TMEM132D: variants seen among roughly 807,000 people sequenced by gnomAD.
TMEM132D encodes transmembrane protein 132D, also known as mature OL transmembrane protein.
In TMEM132D, 21 loss-of-function variants were observed where a neutral mutation model predicts 62.3. The observed-to-expected ratio is 0.34, with a 90% confidence interval of 0.24 to 0.49. The LOEUF (loss-of-function observed/expected upper bound fraction) is 0.49, where lower values mean the gene tolerates loss of function less well. Among genes scored for constraint, TMEM132D ranks in the 20% least tolerant of loss-of-function variants. TMEM132D has a pLI of 0.99. For synonymous variants in TMEM132D, 621 were observed against 575.6 expected, an observed-to-expected ratio of 1.08 and a Z score of -1.13; for missense variants, 1,346 against 1,402.8, an observed-to-expected ratio of 0.96 and a Z score of 0.65.
intron 1 of TMEM132D, among the ~76,000 whole-genome samples, chr12:129,825,149 G>A (rs1872630112): frequency 6.6e-6 from 1 of 151,688 alleles, no homozygotes; most frequent in Non-Finnish European, 1.5e-5. Flanking sequence ...AAGTAGCTGG[G>A]ATTACAGGCA....
intron 5 of TMEM132D, among the ~76,000 whole-genome samples, chr12:129,112,196 A>T (rs1875724193): frequency 6.6e-6 from 1 of 152,184 alleles, no homozygotes; most frequent in Non-Finnish European, 1.5e-5. Context: ...AGTGACAAAG[A>T]TTGGGTATAT....
intron 1 of TMEM132D, among the ~76,000 whole-genome samples, chr12:129,731,819 C>G (rs543674454): frequency 6.6e-6 from 1 of 152,162 alleles, no homozygotes; most frequent in East Asian, 1.9e-4. Flanking sequence ...CCCGCCACCA[C>G]GCCCGGCTAA....
intron 2 of TMEM132D, among the ~76,000 whole-genome samples, chr12:129,544,640 A>G (rs1876680063): frequency 6.6e-6 from 1 of 152,208 alleles, no homozygotes. Flanking sequence ...TCCTAATACC[A>G]CATATTTCAG....
chr12:129,516,032 C>T (rs144059613), intron 3 of TMEM132D, among the ~76,000 whole-genome samples: 1,711 of 152,284 alleles, frequency 0.011, 15 homozygotes, highest in Non-Finnish European at 0.016. Flanking sequence ...ACAAGAACCA[C>T]GCAAGGTGCT....
chr12:129,900,095 G>A (rs1016078571), intron 1 of TMEM132D, among the ~76,000 whole-genome samples: 1 of 152,132 alleles, frequency 6.6e-6, no homozygotes. Flanking sequence ...TTATTTATAA[G>A]CTCAGGGACA....
chr12:129,147,304 A>ACATGTG (rs1459178962), intron 5 of TMEM132D, among the ~76,000 whole-genome samples: 44 of 150,108 alleles, frequency 2.9e-4, no homozygotes, highest in African/African-American at 7.6e-4. Flanking sequence ...GTATATATAT[A>ACATGTG]CATATGTGTA....
chr12:129,578,424 G>GTGTGTGTGTGTATA (rs773756392), intron 2 of TMEM132D, among the ~76,000 whole-genome samples: 1 of 150,520 alleles, frequency 6.6e-6, no homozygotes, highest in Non-Finnish European at 1.5e-5. Context: ...GTGTGTGTGT[G>GTGTGTGTGTGTATA]TATATATATA....
intron 3 of TMEM132D, among the ~76,000 whole-genome samples, chr12:129,394,872 G>A (rs1871380279): frequency 6.6e-6 from 1 of 152,178 alleles, no homozygotes; most frequent in Non-Finnish European, 1.5e-5. Flanking sequence ...ATCTTTTGGG[G>A]GTGACAGAAA....
chr12:129,128,032 G>A (rs1017458253), intron 5 of TMEM132D, among the ~76,000 whole-genome samples: 3 of 152,138 alleles, frequency 2.0e-5, no homozygotes, highest in African/African-American at 7.2e-5. Context: ...GGGATGTGAG[G>A]CTTTCAGTGG....
chr12:129,841,019 G>C (rs1482620756), intron 1 of TMEM132D, among the ~76,000 whole-genome samples: 1 of 152,200 alleles, frequency 6.6e-6, no homozygotes, highest in Non-Finnish European at 1.5e-5. Context: ...CTCTGGCAGA[G>C]TATAGATTAA....
rs551886016 is a variant in TMEM132D, at chr12:129,373,573, A to G, written c.1116-35756T>C. ...CGTGAACCCGGGAGGCGGAGCTTGC[A>G]GTGAGCTGAGATTGAGCCACTGCAC... On this transcript the variant is annotated intron_variant, in intron 3 of 8. Transcript: ENST00000422113. 3.3e-5 allele frequency among the ~76,000 whole-genome samples: 5 copies of G among 152,320 alleles called. No individual in the cohort carries two copies. In the East Asian group the frequency reaches 9.7e-4, roughly 29 times the overall value.
At chr12:129,439,837 C>T (rs1325666488) in intron 3 of TMEM132D, among the ~76,000 whole-genome samples, 1 of 152,066 alleles carries the variant, frequency 6.6e-6, no homozygotes, top group Admixed American at 6.5e-5. Flanking sequence ...TTATCCTTTC[C>T]TGCCTTGTGG....
At chr12:129,239,695 T>C (rs539191994) in intron 4 of TMEM132D, among the ~76,000 whole-genome samples, 1 of 152,200 alleles carries the variant, frequency 6.6e-6, no homozygotes, top group African/African-American at 2.4e-5. Context: ...CACCAAGGAA[T>C]GCCAAAGATT....
At chr12:129,763,688 A>G (rs2041000637) in intron 1 of TMEM132D, among the ~76,000 whole-genome samples, 6 of 152,080 alleles carry the variant, frequency 3.9e-5, no homozygotes, top group Admixed American at 3.9e-4. Context: ...CAATGACTTT[A>G]TAACTACAGA....
rs71079298 is a variant in TMEM132D at position 129,352,451 on chromosome 12, T to TTTTTC, written c.1116-14635_1116-14634insGAAAA. ...TTTCACCACTTTACTTTTTTTTTTT[T>TTTTTC]CTAGCATCAGAGTGAACAGGCAACC... On this transcript the variant is annotated intron_variant, in intron 3 of 8. Transcript: ENST00000422113. 5.4e-3 allele frequency among the ~76,000 whole-genome samples: 801 copies of TTTTTC among 148,084 alleles called. 16 individuals are homozygous for TTTTTC. In the East Asian group the frequency reaches 0.072, roughly 13 times the overall value.
chr12:129,502,927 T>C (rs1875198847), intron 3 of TMEM132D, among the ~76,000 whole-genome samples: 1 of 152,206 alleles, frequency 6.6e-6, no homozygotes, highest in Non-Finnish European at 1.5e-5. Context: ...TATTTGTTCG[T>C]CTGTCCTTTG....
chr12:129,272,692 G>A (rs1330765381), intron 4 of TMEM132D, among the ~76,000 whole-genome samples: 1 of 151,500 alleles, frequency 6.6e-6, no homozygotes, highest in Non-Finnish European at 1.5e-5. Flanking sequence ...GACCTTAATT[G>A]GAGGCATTAG....
At chr12:129,651,524 A>G (rs1464235289) in intron 2 of TMEM132D, among the ~76,000 whole-genome samples, 1 of 152,214 alleles carries the variant, frequency 6.6e-6, no homozygotes. Flanking sequence ...CAAACATGGT[A>G]CAAATACATT....
At chr12:129,682,787 A>G (rs1445566787) in intron 2 of TMEM132D, 1 of 138,208 alleles carries the variant, frequency 7.2e-6, no homozygotes, top group Non-Finnish European at 1.5e-5. Context: ...TGGACCCAGG[A>G]GGTGGAGCTT....
Sources: allele counts gnomAD v4.1 joint callset (sites outside exome capture counted in the v4.1 genomes callset), GRCh38; gene constraint gnomAD v4.1.1; transcripts MANE v1.5; gene names NCBI Gene and HGNC (gene_info 2026-07-23, HGNC 2026-07-21).